The following CCSER2 variants were observed in gnomAD, a reference collection of about 807,000 sequenced individuals.
The protein encoded by CCSER2 is coiled-coil serine rich protein 2.
Under a neutral mutation model 92.3 loss-of-function variants are expected in CCSER2, and 46 were observed. The observed-to-expected ratio is 0.50, with a 90% CI of 0.39 to 0.64. The LOEUF (loss-of-function observed/expected upper bound fraction) is 0.64. Among genes scored for constraint, CCSER2 ranks in the 30% least tolerant of loss-of-function variants. The probability of loss-of-function intolerance (pLI) is 0.00; values close to 1 mark genes in which losing one functional copy is unlikely to be tolerated. For missense variants in CCSER2, 1,244 were observed against 1,238.9 expected, an observed-to-expected ratio of 1.00 and a Z score of -0.06; for synonymous variants, 433 against 431.4, an observed-to-expected ratio of 1.00 and a Z score of -0.04.
intron 1 of CCSER2, among the ~76,000 whole-genome samples, chr10:84,341,374 G>A (rs1411543160): frequency 2.9e-5 from 4 of 137,736 alleles, no homozygotes; most frequent in African/African-American, 9.2e-5. Flanking sequence ...TTTTAGAGGC[G>A]GAGTTTTGCT....
intron 1 of CCSER2, among the ~76,000 whole-genome samples, chr10:84,346,825 G>A (rs1269363935): frequency 4.0e-5 from 6 of 150,686 alleles, no homozygotes; most frequent in African/African-American, 9.8e-5. Flanking sequence ...GGTGTTTCTC[G>A]CAGAGGGGGA....
rs895604332 is a variant in CCSER2, at chr10:84,516,239, C to T, written c.*1972C>T. 5 of 152,172 alleles carry T rather than the reference C, an allele frequency of 3.3e-5. No homozygotes were observed. Among genetic ancestry groups the T allele is most frequent in the African/African-American group, 1.2e-4 (5 of 41,444 alleles). The allele number at this position is 152,172 out of a possible 1,614,324, so 9.4% of individuals were successfully genotyped here. A position where few individuals can be genotyped will look rare whatever the true frequency, so the allele number is the denominator to read the frequency against. On this transcript the variant is annotated 3_prime_UTR_variant, in exon 10 of 10. Coordinates refer to ENST00000372088, the MANE Select transcript of CCSER2 (RefSeq NM_001284240.2). ...GAATTTGCCATTCACTGGATAGAAA[C>T]CATTCTTGGATTTGGTAAGAGGTGA... is the stretch of plus-strand genomic sequence containing the variant.
intron 1 of CCSER2, among the ~76,000 whole-genome samples, chr10:84,365,022 G>C (rs748451691): frequency 6.6e-6 from 1 of 151,918 alleles, no homozygotes; most frequent in African/African-American, 2.4e-5. Context: ...GATTATAGGC[G>C]TGAGTCACCA....
intron 7 of CCSER2, among the ~76,000 whole-genome samples, 172 bp downstream of exon 7, chr10:84,464,188 G>C (rs899234789): frequency 6.6e-6 from 1 of 152,036 alleles, no homozygotes; most frequent in Admixed American, 6.6e-5. Flanking sequence ...GCTTTAATTT[G>C]AATTTATCAG....
intron 9 of CCSER2, among the ~76,000 whole-genome samples, chr10:84,505,351 T>G (rs1243030817): frequency 2.0e-5 from 3 of 152,168 alleles, no homozygotes; most frequent in Admixed American, 1.3e-4. Context: ...AGGATATCAT[T>G]TAATTAAAGG....
intron 1 of CCSER2, among the ~76,000 whole-genome samples, chr10:84,346,447 T>C (rs1168232410): frequency 6.6e-6 from 1 of 151,220 alleles, no homozygotes; most frequent in Non-Finnish European, 1.5e-5. Flanking sequence ...CTCAGTCTAG[T>C]GGAGAAAGTA....
intron 3 of CCSER2, among the ~76,000 whole-genome samples, chr10:84,374,307 G>A (rs1257165798): frequency 6.6e-6 from 1 of 152,112 alleles, no homozygotes; most frequent in African/African-American, 2.4e-5. Flanking sequence ...ACATTGAAGT[G>A]CCAACTCTCA....
intron 6 of CCSER2, among the ~76,000 whole-genome samples, chr10:84,445,420 T>C (rs955085085): frequency 1.3e-5 from 2 of 152,262 alleles, no homozygotes; most frequent in African/African-American, 4.8e-5. Context: ...CCCAAAGTGC[T>C]GGGATTACAG....
At chr10:84,494,608 G>A (rs1247359997) in intron 9 of CCSER2, among the ~76,000 whole-genome samples, 1 of 152,130 alleles carries the variant, frequency 6.6e-6, no homozygotes, top group Non-Finnish European at 1.5e-5. Context: ...CCTAAAGGTT[G>A]TAGAGGGACC....
chr10:84,501,981 C>T (rs1848780889), intron 9 of CCSER2, among the ~76,000 whole-genome samples: 1 of 144,298 alleles, frequency 6.9e-6, no homozygotes, highest in Non-Finnish European at 1.5e-5. Context: ...AAGTAATGAC[C>T]AGAGGGCCTG....
intron 9 of CCSER2, among the ~76,000 whole-genome samples, chr10:84,502,367 CTTTTTTTTT>C (rs562377515): frequency 9.0e-6 from 1 of 111,256 alleles, no homozygotes. Context: ...TTGATGACTT[CTTTTTTTTT>C]TTTTTTTTTT....
intron 9 of CCSER2, among the ~76,000 whole-genome samples, chr10:84,483,455 C>T (rs1847575797): frequency 2.0e-5 from 3 of 151,060 alleles, no homozygotes; most frequent in Non-Finnish European, 4.4e-5. Context: ...AGTATTTTCC[C>T]ATCATAAATA....
intron 4 of CCSER2, among the ~76,000 whole-genome samples, chr10:84,419,284 C>T (rs1484306325): frequency 6.6e-6 from 1 of 151,438 alleles, no homozygotes; most frequent in Non-Finnish European, 1.5e-5. Flanking sequence ...CTGCTTTTAA[C>T]CAATGCAGTT....
chr10:84,332,665 A>C (rs1475948288), intron 1 of CCSER2, among the ~76,000 whole-genome samples: 1 of 151,684 alleles, frequency 6.6e-6, no homozygotes, highest in Non-Finnish European at 1.5e-5. Context: ...TTAAAAAATC[A>C]GTGTGGCTGG....
At chr10:84,347,490 C>G (rs1419867932) in intron 1 of CCSER2, among the ~76,000 whole-genome samples, 1 of 149,002 alleles carries the variant, frequency 6.7e-6, no homozygotes, top group Non-Finnish European at 1.5e-5. Flanking sequence ...GACTGGGTGG[C>G]TGGCCGGGTG....
intron 1 of CCSER2, among the ~76,000 whole-genome samples, chr10:84,347,605 T>G (rs1349461430): frequency 1.4e-5 from 2 of 147,506 alleles, no homozygotes; most frequent in Admixed American, 1.3e-4. Context: ...GGGCTGACCC[T>G]CACCTCCCTC....
chr10:84,476,567 C>T (rs1028060487), intron 8 of CCSER2, among the ~76,000 whole-genome samples: 1 of 150,948 alleles, frequency 6.6e-6, no homozygotes, highest in Non-Finnish European at 1.5e-5. Context: ...CCTCAGCCTC[C>T]GGAGTAGCTG....
At chr10:84,329,387 G>A (rs1253117717) in intron 1 of CCSER2, among the ~76,000 whole-genome samples, 1 of 152,158 alleles carries the variant, frequency 6.6e-6, no homozygotes, top group Non-Finnish European at 1.5e-5. Context: ...GGTGGTCCTT[G>A]GTGGCGAAGC....
chr10:84,500,743 ACAGT>A (rs1486581047), intron 9 of CCSER2, among the ~76,000 whole-genome samples: 1 of 152,226 alleles, frequency 6.6e-6, no homozygotes, highest in Non-Finnish European at 1.5e-5. Context: ...AAGTGTAAAT[ACAGT>A]CAATCAGAGG....
Sources: allele counts gnomAD v4.1 joint callset (sites outside exome capture counted in the v4.1 genomes callset), GRCh38; gene constraint gnomAD v4.1.1; transcripts MANE v1.5; gene names NCBI Gene and HGNC (gene_info 2026-07-23, HGNC 2026-07-21).